Variants in ADCY5 observed in about 807,000 individuals in gnomAD.
ADCY5 encodes adenylate cyclase 5.
In ADCY5, 30 loss-of-function variants were observed where a neutral mutation model predicts 119.7. The observed-to-expected ratio is 0.25, with a 90% confidence interval of 0.19 to 0.34. ADCY5 has a LOEUF of 0.34. Among genes scored for constraint, ADCY5 ranks in the 10% least tolerant of loss-of-function variants. ADCY5 has a pLI of 1.00. For missense variants in ADCY5, 1,324 were observed against 1,775.2 expected, an observed-to-expected ratio of 0.75 and a Z score of 4.57; for synonymous variants, 753 against 762.2, an observed-to-expected ratio of 0.99 and a Z score of 0.20.
In ADCY5 at chr3:123,420,782, G is replaced by A. The variant is rs535396337; in HGVS notation, c.1134+26630C>T. On this transcript the variant is annotated intron_variant, in intron 1 of 20. Coordinates refer to ENST00000462833, the MANE Select transcript of ADCY5 (RefSeq NM_183357.3). The stretch of plus-strand genomic sequence containing the variant: ...TCCCCAACTCAGTGGCATAAACAAC[G>A]GAAATCTATTGTCTCACAGTTCTGA... Among the ~76,000 whole-genome samples the A allele has an allele frequency of 1.7e-4, 26 of 152,156 alleles. No individual in the cohort carries two copies. In the South Asian group the frequency reaches 2.9e-3, roughly 17 times the overall value.
intron 1 of ADCY5, among the ~76,000 whole-genome samples, chr3:123,421,231 G>A (rs1044512667): frequency 2.6e-5 from 4 of 152,242 alleles, no homozygotes; most frequent in African/African-American, 4.8e-5. Context: ...GTAAATCTTC[G>A]TAGGGTTTAC....
At chr3:123,411,096 C>A (rs1394914372) in intron 1 of ADCY5, among the ~76,000 whole-genome samples, 1 of 152,182 alleles carries the variant, frequency 6.6e-6, no homozygotes, top group Non-Finnish European at 1.5e-5. Context: ...CCAAGCCTAA[C>A]CCGTTCCCTC....
chr3:123,330,268 G>C (rs1457978980), intron 5 of ADCY5, among the ~76,000 whole-genome samples: 2 of 152,308 alleles, frequency 1.3e-5, no homozygotes, highest in East Asian at 3.9e-4. Context: ...TATTTCTAAA[G>C]CCCAAAGTCT....
At chr3:123,370,385 G>A (rs1158368008) in intron 1 of ADCY5, among the ~76,000 whole-genome samples, 2 of 152,210 alleles carry the variant, frequency 1.3e-5, no homozygotes, top group African/African-American at 2.4e-5. Flanking sequence ...TGGGCACATG[G>A]CTGCCCAGCC....
intron 1 of ADCY5, among the ~76,000 whole-genome samples, chr3:123,381,354 G>A (rs1392301630): frequency 6.6e-6 from 1 of 152,190 alleles, no homozygotes; most frequent in African/African-American, 2.4e-5. Context: ...GCCACATTCA[G>A]GGGAAGAAAT....
At chr3:123,399,674 T>C (rs1298117681) in intron 1 of ADCY5, among the ~76,000 whole-genome samples, 1 of 152,240 alleles carries the variant, frequency 6.6e-6, no homozygotes, top group South Asian at 2.1e-4. Flanking sequence ...CTTCGATAGA[T>C]ACCTCCAATT....
intron 1 of ADCY5, among the ~76,000 whole-genome samples, chr3:123,396,807 C>CG (rs1467896552): frequency 0.061 from 5,107 of 84,348 alleles, 392 homozygotes; most frequent in East Asian, 0.13. Flanking sequence ...GGCAGGCAGG[C>CG]AGGCAGGCAG....
chr3:123,426,031 C>T (rs116797195), intron 1 of ADCY5, among the ~76,000 whole-genome samples: 1,908 of 152,298 alleles, frequency 0.013, 22 homozygotes, highest in Admixed American at 0.022. Flanking sequence ...GGACAGACCC[C>T]AGGTCATTTA....
chr3:123,419,442 T>C (rs931299325), intron 1 of ADCY5, among the ~76,000 whole-genome samples: 6 of 152,140 alleles, frequency 3.9e-5, no homozygotes, highest in Non-Finnish European at 5.9e-5. Context: ...CATACCCACG[T>C]TGCCAGACTT....
intron 2 of ADCY5, among the ~76,000 whole-genome samples, chr3:123,350,034 A>T (rs1942758306): frequency 6.6e-6 from 1 of 151,344 alleles, no homozygotes; most frequent in South Asian, 2.1e-4. Flanking sequence ...TGAAATCCAC[A>T]CTCCACTCCA....
chr3:123,335,115 C>T (rs1941959417), intron 3 of ADCY5, among the ~76,000 whole-genome samples: 2 of 152,304 alleles, frequency 1.3e-5, no homozygotes, highest in South Asian at 4.1e-4. Flanking sequence ...ACCCCAGGGA[C>T]AGGCACTGGA....
chr3:123,314,141 G>C, intron 12 of ADCY5, 94 bp downstream of exon 12: 1 of 954,250 alleles, frequency 1.0e-6, no homozygotes, highest in Non-Finnish European at 1.6e-6. Context: ...CACAATACTC[G>C]GGCCCCTTCA....
chr3:123,314,336 G>A lies in ADCY5; in HGVS notation c.2355-14C>T. 6.3e-7 allele frequency: 1 copy of A among 1,599,684 alleles called. No individual in the cohort carries two copies. Among genetic ancestry groups the A allele is most frequent in the South Asian group, 1.1e-5 (1 of 90,054 alleles). On this transcript the variant is annotated splice_polypyrimidine_tract_variant and intron_variant, in intron 11 of 20. Transcript: ENST00000462833. ...ATGAATATGGAGCTGGAAGGAGAGA[G>A]GAGGGGAGGGAGAAGCCAGGCTCAG... is the stretch of plus-strand genomic sequence containing the variant.
intron 1 of ADCY5, among the ~76,000 whole-genome samples, chr3:123,431,703 T>C (rs535408493): frequency 6.6e-6 from 1 of 152,338 alleles, no homozygotes; most frequent in South Asian, 2.1e-4. Context: ...ATAAATATAC[T>C]AAGCCACAGC....
At chr3:123,319,181 C>T (rs536543374) in intron 10 of ADCY5, among the ~76,000 whole-genome samples, 2 of 151,996 alleles carry the variant, frequency 1.3e-5, no homozygotes, top group African/African-American at 4.8e-5. Context: ...TGGTGAAACC[C>T]CATCTCTACT....
chr3:123,373,934 A>G (rs1943733630), intron 1 of ADCY5, among the ~76,000 whole-genome samples: 1 of 152,174 alleles, frequency 6.6e-6, no homozygotes, highest in Non-Finnish European at 1.5e-5. Context: ...TATTCGATGG[A>G]GAAGTTTCTA....
At chr3:123,437,641 A>G (rs1326682680) in intron 1 of ADCY5, among the ~76,000 whole-genome samples, 1 of 152,218 alleles carries the variant, frequency 6.6e-6, no homozygotes, top group African/African-American at 2.4e-5. Flanking sequence ...AAGACTCAAT[A>G]TAAGCTACAG....
chr3:123,349,624 T>G (rs1269787325), intron 2 of ADCY5, among the ~76,000 whole-genome samples: 1 of 152,184 alleles, frequency 6.6e-6, no homozygotes, highest in Non-Finnish European at 1.5e-5. Flanking sequence ...CTCTTCCTTA[T>G]TTTCCACTGC....
At position 123,320,506 on chromosome 3, in the gene ADCY5, G is replaced by A. The variant is rs76374059; in HGVS notation, c.2111+243C>T. 9.8e-5 allele frequency among the ~76,000 whole-genome samples: 15 copies of A among 152,364 alleles called. No homozygotes were observed. In the East Asian group the frequency reaches 1.2e-3, roughly 12 times the overall value. ...GTGCACACGTGCACAAGCGTGTCAC[G>A]GAGATAAAATGGGCAGTGCTGAGGC... On this transcript the variant is annotated intron_variant, in intron 9 of 20. Coordinates refer to ENST00000462833, the MANE Select transcript of ADCY5 (RefSeq NM_183357.3).
Sources: allele counts gnomAD v4.1 joint callset (sites outside exome capture counted in the v4.1 genomes callset), GRCh38; gene constraint gnomAD v4.1.1; transcripts MANE v1.5; gene names NCBI Gene and HGNC (gene_info 2026-07-23, HGNC 2026-07-21).